CNIH3: variants seen among roughly 807,000 people sequenced by gnomAD.
CNIH3 encodes protein cornichon homolog 3.
CNIH3 carries 14 observed loss-of-function variants against 24.1 expected under a neutral mutation model. The observed-to-expected ratio is 0.58, with a 90% CI of 0.38 to 0.91. The LOEUF is 0.91. CNIH3 is among the 40% of genes least tolerant of loss of function. CNIH3 has a pLI of 0.00. For synonymous variants in CNIH3, 68 were observed against 73.8 expected (o/e 0.92, Z 0.40); for missense variants, 178 against 196.8 (o/e 0.90, Z 0.57).
At chr1:224,693,425 G>T (rs1558301018) in intron 3 of CNIH3, among the ~76,000 whole-genome samples, 1 of 152,146 alleles carries the variant, frequency 6.6e-6, no homozygotes, top group Non-Finnish European at 1.5e-5. Flanking sequence ...TATTTCTCAC[G>T]AGTCCATGGG....
At chr1:224,725,852 AG>A in intron 3 of CNIH3, among the ~76,000 whole-genome samples, 1 of 152,274 alleles carries the variant, frequency 6.6e-6, no homozygotes, top group South Asian at 2.1e-4. Context: ...TTTAGGGGTA[AG>A]AAGAATCTCT....
At chr1:224,612,824 A>T (rs1044234473), upstream of CNIH3, among the ~76,000 whole-genome samples, 2 of 152,146 alleles carry the variant, frequency 1.3e-5, no homozygotes, top group Non-Finnish European at 2.9e-5. This position sits in a 1 kb window ranked among gnomAD's most constrained non-coding sequence, Gnocchi z 4.7. Flanking sequence ...TCCCAAAGGG[A>T]CTCAGAATTT....
chr1:224,538,049 C>T (rs1273059821), downstream of CNIH3, among the ~76,000 whole-genome samples: 1 of 151,878 alleles, frequency 6.6e-6, no homozygotes, highest in East Asian at 1.9e-4. Context: ...CTCCCAGGTT[C>T]CAGCAATTCT....
chr1:224,485,587 G>A (rs994615105), intron 1 of CNIH3, among the ~76,000 whole-genome samples: 1 of 151,976 alleles, frequency 6.6e-6, no homozygotes, highest in African/African-American at 2.4e-5. Context: ...TGAACTCCTG[G>A]GCCCAAGCAA....
chr1:224,723,497 A>T (rs1216604143), intron 3 of CNIH3, among the ~76,000 whole-genome samples: 1 of 152,184 alleles, frequency 6.6e-6, no homozygotes, highest in Non-Finnish European at 1.5e-5. Context: ...GCCCCATGGG[A>T]TGGAAAAGTG....
At chr1:224,535,849 C>T (rs899729830) in intron 2 of CNIH3, among the ~76,000 whole-genome samples, 9 of 152,280 alleles carry the variant, frequency 5.9e-5, no homozygotes, top group Non-Finnish European at 8.8e-5. Context: ...GTAGTGTGGC[C>T]GCAGGAGATG....
chr1:224,575,723 C>T (rs1053653150), intron 4 of CNIH3, among the ~76,000 whole-genome samples: 2 of 151,950 alleles, frequency 1.3e-5, no homozygotes, highest in Non-Finnish European at 2.9e-5. Flanking sequence ...CAAGACTTCT[C>T]TTTACCTCAA....
chr1:224,679,392 A>G (rs186640913), intron 1 of CNIH3, among the ~76,000 whole-genome samples: 34 of 152,284 alleles, frequency 2.2e-4, no homozygotes, highest in African/African-American at 7.5e-4. Context: ...TTCTTAGCTC[A>G]CAGGTTGAAC....
At chr1:224,451,060 C>G (rs1381811581) in intron 1 of CNIH3, among the ~76,000 whole-genome samples, 3 of 152,198 alleles carry the variant, frequency 2.0e-5, no homozygotes, top group Non-Finnish European at 4.4e-5. Flanking sequence ...GATGCCATGT[C>G]TAAAATCCTG....
intron 1 of CNIH3, among the ~76,000 whole-genome samples, chr1:224,645,827 C>A (rs1684579653): frequency 6.6e-6 from 1 of 152,160 alleles, no homozygotes; most frequent in Non-Finnish European, 1.5e-5. Flanking sequence ...TTTCTCTGGC[C>A]ATCTCGCTCC....
chr1:224,639,715 G>A (rs1193009466), intron 1 of CNIH3, among the ~76,000 whole-genome samples: 1 of 152,152 alleles, frequency 6.6e-6, no homozygotes, highest in Non-Finnish European at 1.5e-5. Context: ...GTCATTCTTT[G>A]TTCTAAATTT....
intron 4 of CNIH3, among the ~76,000 whole-genome samples, chr1:224,734,143 A>AAT (rs1689476929): frequency 6.6e-6 from 1 of 152,182 alleles, no homozygotes; most frequent in South Asian, 2.1e-4. Context: ...GGATGTCCCG[A>AAT]AGTATTCAGG....
intron 1 of CNIH3, among the ~76,000 whole-genome samples, chr1:224,501,708 G>A (rs1278875711): frequency 6.6e-6 from 1 of 151,906 alleles, no homozygotes; most frequent in African/African-American, 2.4e-5. Context: ...AGCCTCTGGA[G>A]TAGCTGGGAT....
chr1:224,435,927 A>G (rs886103306), intron 1 of CNIH3: 3 of 152,218 alleles, frequency 2.0e-5, no homozygotes, highest in Non-Finnish European at 4.4e-5. Context: ...TTAGTTTCTA[A>G]TTAATACATC....
At chr1:224,689,335 A>G (rs973063354) in intron 3 of CNIH3, among the ~76,000 whole-genome samples, 5 of 152,222 alleles carry the variant, frequency 3.3e-5, no homozygotes, top group Admixed American at 1.3e-4. Flanking sequence ...TGTTATTATT[A>G]TCATCCTGAC....
At chr1:224,681,079 G>T in intron 2 of CNIH3, 53 bp downstream of exon 2, 1 of 1,405,048 alleles carries the variant, frequency 7.1e-7, no homozygotes, top group Non-Finnish European at 1.0e-6. Flanking sequence ...GGCTACCCAG[G>T]GCCTGGGAAG....
intron 3 of CNIH3, among the ~76,000 whole-genome samples, chr1:224,717,347 T>C (rs1329359297): frequency 1.3e-5 from 2 of 152,162 alleles, no homozygotes; most frequent in Non-Finnish European, 2.9e-5. Context: ...TTAGTGTCTT[T>C]CCTTATGAGG....
At chr1:224,715,022 C>A (rs1215337607) in intron 3 of CNIH3, among the ~76,000 whole-genome samples, 4 of 152,186 alleles carry the variant, frequency 2.6e-5, no homozygotes, top group Non-Finnish European at 5.9e-5. Context: ...ATAATGCCTT[C>A]TTGAAAACAA....
intron 1 of CNIH3, among the ~76,000 whole-genome samples, chr1:224,480,756 A>G (rs1464070508): frequency 2.0e-5 from 3 of 152,174 alleles, no homozygotes; most frequent in African/African-American, 7.2e-5. Flanking sequence ...CTCAGCCTGG[A>G]CCTTATTGTC....
Sources: allele counts gnomAD v4.1 joint callset (sites outside exome capture counted in the v4.1 genomes callset), GRCh38; gene constraint gnomAD v4.1.1; non-coding constraint Gnocchi (gnomAD v3.1); transcripts MANE v1.5; gene names NCBI Gene and HGNC (gene_info 2026-07-23, HGNC 2026-07-21).